The following PITPNM3 variants were observed in gnomAD, a reference collection of about 807,000 sequenced individuals.
The protein encoded by PITPNM3 is membrane-associated phosphatidylinositol transfer protein 3.
In PITPNM3, 26 loss-of-function variants were observed where a neutral mutation model predicts 102.0. The ratio of observed to expected loss-of-function variants is 0.25; its 90% CI spans 0.19 to 0.35. The LOEUF (loss-of-function observed/expected upper bound fraction) is 0.35, where lower values mean the gene tolerates loss of function less well. Ranked by LOEUF, PITPNM3 falls within the 10% of genes least tolerant of loss-of-function variation. PITPNM3 has a pLI of 1.00. For synonymous variants in PITPNM3, 578 were observed against 558.6 expected (o/e 1.03, Z -0.49); for missense variants, 1,083 against 1,346.1 (o/e 0.80, Z 3.06).
chr17:6,548,139 C>G (rs1289520257), intron 1 of PITPNM3, among the ~76,000 whole-genome samples: 1 of 152,188 alleles, frequency 6.6e-6, no homozygotes, highest in Admixed American at 6.5e-5. Context: ...GCTCCCCACC[C>G]CACTCCATGC....
intron 3 of PITPNM3, among the ~76,000 whole-genome samples, chr17:6,518,160 T>C (rs989169341): frequency 1.3e-5 from 2 of 152,198 alleles, no homozygotes; most frequent in African/African-American, 4.8e-5. Context: ...CATAGTGGAA[T>C]CAAATTGCTA....
intron 2 of PITPNM3, among the ~76,000 whole-genome samples, chr17:6,533,689 T>C (rs560542808): frequency 5.3e-5 from 8 of 152,024 alleles, no homozygotes; most frequent in African/African-American, 1.9e-4. Context: ...ACTCCTGAAC[T>C]CGTGATCCGC....
At chr17:6,509,831 C>T (rs986523107) in intron 3 of PITPNM3, among the ~76,000 whole-genome samples, 2 of 152,202 alleles carry the variant, frequency 1.3e-5, no homozygotes, top group Non-Finnish European at 2.9e-5. Context: ...AGTGGCTCTC[C>T]GCTCCCCTGC....
chr17:6,523,021 G>A (rs764509565), intron 3 of PITPNM3, among the ~76,000 whole-genome samples: 13 of 152,098 alleles, frequency 8.5e-5, no homozygotes, highest in African/African-American at 1.7e-4. Flanking sequence ...GAATTCACAC[G>A]AGAATGGGAC....
chr17:6,552,772 T>C (rs1439124662), intron 1 of PITPNM3, among the ~76,000 whole-genome samples: 27 of 140,168 alleles, frequency 1.9e-4, no homozygotes, highest in African/African-American at 6.3e-4. Context: ...CTTTTTTTTT[T>C]TTTTTTTTTT....
At chr17:6,461,298 AG>A in intron 18 of PITPNM3, 74 bp downstream of exon 18, 2 of 1,519,078 alleles carry the variant, frequency 1.3e-6, no homozygotes, top group Non-Finnish European at 1.8e-6. Flanking sequence ...ACCCGGGAGG[AG>A]GGAGATGGGG....
intron 3 of PITPNM3, among the ~76,000 whole-genome samples, chr17:6,509,367 T>G (rs1000647661): frequency 6.6e-6 from 1 of 152,162 alleles, no homozygotes; most frequent in Admixed American, 6.5e-5. Flanking sequence ...TGCATCACAC[T>G]GGAGAGTTGG....
At chr17:6,530,711 G>A (rs1055286619) in intron 2 of PITPNM3, among the ~76,000 whole-genome samples, 13 of 152,164 alleles carry the variant, frequency 8.5e-5, no homozygotes, top group Non-Finnish European at 1.6e-4. Context: ...ACCATACCCA[G>A]CCCATTCCTG....
intron 3 of PITPNM3, among the ~76,000 whole-genome samples, chr17:6,509,556 C>T (rs1019624933): frequency 2.6e-5 from 4 of 152,182 alleles, no homozygotes; most frequent in Admixed American, 6.5e-5. Context: ...GGCCAGGCTC[C>T]GGGCCAGACT....
chr17:6,495,431 A>G (rs1276667205), intron 4 of PITPNM3, among the ~76,000 whole-genome samples: 1 of 152,158 alleles, frequency 6.6e-6, no homozygotes, highest in African/African-American at 2.4e-5. Flanking sequence ...CTTCAGGGTG[A>G]AAAGAGATCC....
chr17:6,492,248 A>G (rs1419992140), intron 4 of PITPNM3, among the ~76,000 whole-genome samples: 1 of 151,674 alleles, frequency 6.6e-6, no homozygotes, highest in Non-Finnish European at 1.5e-5. Flanking sequence ...TATTTTTAGT[A>G]AAGACGGGGC....
intron 1 of PITPNM3, among the ~76,000 whole-genome samples, chr17:6,543,479 C>T (rs1909840784): frequency 6.6e-6 from 1 of 152,260 alleles, no homozygotes; most frequent in Non-Finnish European, 1.5e-5. Flanking sequence ...CTCCCCCATG[C>T]TCAGGAGCCC....
At position 6,511,505 on chromosome 17, in the gene PITPNM3, A is replaced by G. The variant is rs115094163; in HGVS notation, c.227-7931T>C. On this transcript the variant is annotated intron_variant, in intron 3 of 19. Transcript: ENST00000262483. Reference sequence around the variant, plus strand: ...TAAGGAGGGAGGCAGGACTGGTTACATAATTTTCAGGGCCCAGTGTAAAAT... The same window carrying G: ...TAAGGAGGGAGGCAGGACTGGTTACGTAATTTTCAGGGCCCAGTGTAAAAT... Among the ~76,000 whole-genome samples the G allele has an allele frequency of 2.6e-3, 398 of 152,358 alleles. 4 individuals carry two copies. Among genetic ancestry groups the G allele is most frequent in the African/African-American group, 9.0e-3 (373 of 41,586 alleles).
At position 6,476,998 on chromosome 17, in the gene PITPNM3, G is replaced by A. The variant is rs374551587; in HGVS notation, c.1085+31C>T. 6 of 1,612,076 alleles carry A rather than the reference G, an allele frequency of 3.7e-6. No individual in the cohort carries two copies. In the African/African-American group the frequency reaches 4.0e-5, roughly 11 times the overall value. ...CCCTCCCAGTTGGCTCTGAGCCAAG[G>A]TCTTCTTGCTTCTGGACAGGGAGGG... is the stretch of plus-strand genomic sequence containing the variant. On this transcript the variant is annotated intron_variant, in intron 9 of 19. Coordinates refer to ENST00000262483, the MANE Select transcript of PITPNM3 (RefSeq NM_031220.4).
chr17:6,492,089 G>C (rs1316338364), intron 4 of PITPNM3, among the ~76,000 whole-genome samples: 4 of 141,964 alleles, frequency 2.8e-5, no homozygotes, highest in South Asian at 2.2e-4. Context: ...TTTTGAGACA[G>C]AGTCTCACTC....
In PITPNM3 at chr17:6,455,406, CT is replaced by C; in HGVS notation, c.2856del (p.Asp953ThrfsTer142). 1 of 1,601,564 alleles carries C rather than the reference CT, an allele frequency of 6.2e-7. No homozygotes were observed. ...AGCGCCGGCAGCGGCCGCTCGTGGT[CT>C]TTGTCCGACTCGGGCTGGCTCTGGG... ...ERAQSQPESD[K>X]DHERPLPALS... On this transcript the variant is annotated frameshift_variant, in exon 20 of 20. Transcript: ENST00000262483. LOFTEE classifies it high-confidence loss of function.
At chr17:6,503,626 A>G in intron 3 of PITPNM3, 52 bp from the exon 4 acceptor site, 1 of 1,586,886 alleles carries the variant, frequency 6.3e-7, no homozygotes, top group Non-Finnish European at 8.6e-7. Flanking sequence ...GTTGCCAGGC[A>G]CTGTGTTTCC....
chr17:6,464,795 C>A, intron 14 of PITPNM3, 24 bp from the exon 15 acceptor site: 1 of 1,612,528 alleles, frequency 6.2e-7, no homozygotes, highest in Non-Finnish European at 8.5e-7. Flanking sequence ...AAGAAGCTGG[C>A]TCAGCCCTTG....
intron 1 of PITPNM3, among the ~76,000 whole-genome samples, chr17:6,545,064 C>G (rs981948339): frequency 6.6e-6 from 1 of 152,150 alleles, no homozygotes; most frequent in Non-Finnish European, 1.5e-5. Context: ...ACCACCATCC[C>G]GCTCCCACCT....
Sources: gnomAD v4.1 joint callset for allele counts (sites outside exome capture counted in the v4.1 genomes callset) on GRCh38, gnomAD v4.1.1 for gene constraint, MANE v1.5 for transcripts, NCBI Gene and HGNC (gene_info 2026-07-23, HGNC 2026-07-21) for gene names.